The following C12orf42 variants were observed in gnomAD, a reference collection of about 807,000 sequenced individuals.
The protein encoded by C12orf42 is chromosome 12 open reading frame 42, also known as uncharacterized protein C12orf42.
C12orf42 carries 25 observed loss-of-function variants against 21.6 expected under a neutral mutation model. That is an observed-to-expected ratio of 1.16 (90% CI 0.84 to 1.62). The LOEUF (loss-of-function observed/expected upper bound fraction) is 1.62. Ranked by LOEUF, C12orf42 falls within the 40% of genes most tolerant of loss-of-function variation. The probability of loss-of-function intolerance (pLI) is 0.00; values close to 1 mark genes in which losing one functional copy is unlikely to be tolerated. For missense variants in C12orf42, 483 were observed against 459.3 expected, an observed-to-expected ratio of 1.05 and a Z score of -0.47; for synonymous variants, 174 against 175.0, an observed-to-expected ratio of 0.99 and a Z score of 0.05.
the C12orf42 span, among the ~76,000 whole-genome samples, chr12:103,092,245 C>G: frequency 1.3e-5 from 2 of 152,134 alleles, no homozygotes; most frequent in Non-Finnish European, 2.9e-5. Flanking sequence ...GTTTGTTTAT[C>G]ATTCGCTTTC....
In C12orf42 at chr12:103,435,682, G is replaced by A. The variant is rs564467517; in HGVS notation, c.79-34007C>T. ...GAAGATGAAATGAATGAAATGAAGC[G>A]AGAAGGGAAGTTTAGAGAAAAAAGA... On this transcript the variant is annotated intron_variant, in intron 2 of 5. Coordinates refer to ENST00000548883, the MANE Select transcript of C12orf42 (RefSeq NM_198521.5). Among the ~76,000 whole-genome samples, 820 of 151,444 alleles carry A rather than the reference G, an allele frequency of 5.4e-3. 8 individuals carry two copies. Among genetic ancestry groups the A allele is most frequent in the African/African-American group, 0.019 (770 of 41,334 alleles).
chr12:103,285,533 A>C (rs2036389506), intron 4 of C12orf42, among the ~76,000 whole-genome samples: 2 of 152,222 alleles, frequency 1.3e-5, no homozygotes, highest in South Asian at 4.1e-4. Context: ...GAATACAAAT[A>C]ACTGTTTAAT....
chr12:103,390,509 T>C (rs1302425273), intron 3 of C12orf42, among the ~76,000 whole-genome samples: 3 of 152,338 alleles, frequency 2.0e-5, no homozygotes, highest in African/African-American at 2.4e-5. Flanking sequence ...CCTCTCTTTA[T>C]GAATTTGGCA....
the C12orf42 span, among the ~76,000 whole-genome samples, chr12:103,556,850 C>T: frequency 6.6e-6 from 1 of 151,134 alleles, no homozygotes; most frequent in African/African-American, 2.4e-5. Context: ...TGGTAAGTGT[C>T]CTTAGAAGAG....
At chr12:103,194,524 A>G in the C12orf42 span, among the ~76,000 whole-genome samples, 2 of 152,204 alleles carry the variant, frequency 1.3e-5, no homozygotes, top group Non-Finnish European at 2.9e-5. Context: ...TACACTAACA[A>G]CAAAGCATAC....
At chr12:103,360,229 C>A (rs2043967477) in intron 4 of C12orf42, among the ~76,000 whole-genome samples, 1 of 151,418 alleles carries the variant, frequency 6.6e-6, no homozygotes, top group Admixed American at 6.6e-5. Context: ...TGCCTAGCAA[C>A]CAACCTAGCT....
intron 5 of C12orf42, among the ~76,000 whole-genome samples, chr12:103,303,031 A>G (rs774397186): frequency 6.6e-5 from 10 of 152,208 alleles, no homozygotes; most frequent in Non-Finnish European, 1.3e-4. Context: ...TTTTAAATAC[A>G]GGAGGCTGTT....
chr12:103,402,994 C>T (rs973505767), intron 2 of C12orf42, among the ~76,000 whole-genome samples: 1 of 152,178 alleles, frequency 6.6e-6, no homozygotes, highest in Non-Finnish European at 1.5e-5. Context: ...TATGTCCTCT[C>T]ATGAGGTCTA....
rs74729966 is a variant in C12orf42 at position 103,367,775 on chromosome 12, C to A, written c.259+1112G>T. Among the ~76,000 whole-genome samples the A allele has an allele frequency of 0.017, 2,537 of 151,820 alleles. 129 individuals carry two copies. In the East Asian group the frequency reaches 0.21, roughly 13 times the overall value. On this transcript the variant is annotated intron_variant, in intron 4 of 5. Transcript: ENST00000548883. Reference sequence around the variant, plus strand: ...ACCATGTAAATGTATTATCCCCCCCCAAAAAAATTTTCAGTTCTTTTTAAG... The same window carrying A: ...ACCATGTAAATGTATTATCCCCCCCAAAAAAAATTTTCAGTTCTTTTTAAG...
At chr12:103,294,847 G>A (rs1390720349) in intron 4 of C12orf42, among the ~76,000 whole-genome samples, 1 of 152,056 alleles carries the variant, frequency 6.6e-6, no homozygotes, top group African/African-American at 2.4e-5. Context: ...TACAGATTAT[G>A]TCATAACCCA....
chr12:103,076,803 C>G, the C12orf42 span, among the ~76,000 whole-genome samples: 1 of 151,940 alleles, frequency 6.6e-6, no homozygotes, highest in East Asian at 1.9e-4. Flanking sequence ...ATTCTTATAC[C>G]AACCCTATAA....
chr12:103,200,510 C>G, the C12orf42 span, among the ~76,000 whole-genome samples: 2 of 151,902 alleles, frequency 1.3e-5, no homozygotes, highest in Admixed American at 6.6e-5. Flanking sequence ...TAAATAAGAG[C>G]AGGAGGAAAC....
chr12:103,406,971 T>C (rs1215947784), intron 2 of C12orf42, among the ~76,000 whole-genome samples: 1 of 152,236 alleles, frequency 6.6e-6, no homozygotes, highest in Admixed American at 6.5e-5. Flanking sequence ...ATAGTAGTTG[T>C]GCCCCGTAAT....
At chr12:103,313,279 G>A (rs2039144831) in intron 4 of C12orf42, among the ~76,000 whole-genome samples, 1 of 152,188 alleles carries the variant, frequency 6.6e-6, no homozygotes, top group Non-Finnish European at 1.5e-5. Flanking sequence ...CCAGTGTTAG[G>A]CTTTAAAAAG....
At chr12:103,112,141 T>A in the C12orf42 span, among the ~76,000 whole-genome samples, 1 of 152,176 alleles carries the variant, frequency 6.6e-6, no homozygotes, top group Admixed American at 6.5e-5. Flanking sequence ...CAAAAACCAG[T>A]GAAGCGTGTT....
the C12orf42 span, among the ~76,000 whole-genome samples, chr12:103,502,371 G>A: frequency 6.6e-6 from 1 of 152,154 alleles, no homozygotes. Context: ...ATCAGATCAT[G>A]GCACAGCATA....
At chr12:103,071,968 C>T in the C12orf42 span, among the ~76,000 whole-genome samples, 3 of 152,124 alleles carry the variant, frequency 2.0e-5, no homozygotes, top group Non-Finnish European at 4.4e-5. Flanking sequence ...TTCTTGGGTC[C>T]AAACAGTGTA....
intron 1 of C12orf42, among the ~76,000 whole-genome samples, chr12:103,482,293 T>G (rs1230379341): frequency 6.6e-6 from 1 of 152,144 alleles, no homozygotes; most frequent in African/African-American, 2.4e-5. Context: ...TATTTTATCC[T>G]TGCACTTGAA....
intron 3 of C12orf42, among the ~76,000 whole-genome samples, chr12:103,378,292 ACAC>A (rs745556815): frequency 3.3e-5 from 5 of 152,184 alleles, no homozygotes; most frequent in African/African-American, 7.2e-5. Flanking sequence ...TCACTCGTCT[ACAC>A]TGTCTAGATT....
Sources: allele counts gnomAD v4.1 joint callset (sites outside exome capture counted in the v4.1 genomes callset), GRCh38; gene constraint gnomAD v4.1.1; transcripts MANE v1.5; gene names NCBI Gene and HGNC (gene_info 2026-07-23, HGNC 2026-07-21).